RANBP2: variants seen among roughly 807,000 people sequenced by gnomAD.
RANBP2 encodes the protein E3 SUMO-protein ligase RanBP2.
RANBP2 carries 57 observed loss-of-function variants against 303.6 expected under a neutral mutation model. That is an observed-to-expected ratio of 0.19 (90% confidence interval 0.15 to 0.23). The LOEUF (loss-of-function observed/expected upper bound fraction) is 0.23. RANBP2 is among the 10% of genes least tolerant of loss of function. The pLI is 1.00. For synonymous variants in RANBP2, 1,167 were observed against 1,301.5 expected (o/e 0.90, Z 2.23); for missense variants, 3,138 against 3,780.8 (o/e 0.83, Z 4.46).
chr2:108,794,778 C>A, the RANBP2 span: 1 of 1,322,924 alleles, frequency 7.6e-7, no homozygotes, highest in Non-Finnish European at 1.0e-6. Context: ...AAGAACCAAG[C>A]ATTTACGAAA....
At chr2:109,385,559 C>A in the RANBP2 span, among the ~76,000 whole-genome samples, 2 of 152,268 alleles carry the variant, frequency 1.3e-5, no homozygotes, top group Non-Finnish European at 2.9e-5. Context: ...TTTCCTTGAA[C>A]TGTCCAGGGC....
At chr2:108,924,944 G>A in the RANBP2 span, among the ~76,000 whole-genome samples, 1 of 152,216 alleles carries the variant, frequency 6.6e-6, no homozygotes, top group Non-Finnish European at 1.5e-5. Context: ...GGCCCACGCT[G>A]ACACTTCTGA....
the RANBP2 span, among the ~76,000 whole-genome samples, chr2:108,838,959 A>G: frequency 6.6e-6 from 1 of 152,182 alleles, no homozygotes; most frequent in Non-Finnish European, 1.5e-5. Context: ...TAATCTCCTT[A>G]AACTAGATGT....
chr2:108,729,086 A>C lies in RANBP2; in HGVS notation c.73-46A>C, dbSNP rs192504405. 5 of 1,544,162 alleles carry C rather than the reference A, an allele frequency of 3.2e-6. No homozygotes were observed. In the East Asian group the frequency reaches 9.1e-5, roughly 28 times the overall value. On this transcript the variant is annotated intron_variant, in intron 1 of 28. Coordinates refer to ENST00000283195, the MANE Select transcript of RANBP2 (RefSeq NM_006267.5). ...TTTACTACTTTTGAAAAAATGTTGG[A>C]AAATATTTCTGTATGAAAAGTAAAA...
At chr2:109,040,897 T>C in the RANBP2 span, among the ~76,000 whole-genome samples, 4 of 151,870 alleles carry the variant, frequency 2.6e-5, no homozygotes, top group Non-Finnish European at 5.9e-5. Context: ...CTACTAAAAA[T>C]ACAAAAAAAT....
chr2:108,903,507 T>C, the RANBP2 span, among the ~76,000 whole-genome samples: 3 of 152,180 alleles, frequency 2.0e-5, no homozygotes, highest in South Asian at 6.2e-4. Flanking sequence ...TTACATAATT[T>C]ATACAAGAAT....
chr2:109,522,196 A>G, the RANBP2 span, among the ~76,000 whole-genome samples: 256 of 151,962 alleles, frequency 1.7e-3, 1 homozygote, highest in African/African-American at 6.0e-3. Context: ...TTCTCCGGTG[A>G]TCTGTGTCAA....
the RANBP2 span, chr2:109,542,951 TGA>T: frequency 6.5e-6 from 1 of 152,718 alleles, no homozygotes; most frequent in South Asian, 2.1e-4. Context: ...GTTTTTAAAA[TGA>T]GAGTTTTCAG....
At chr2:109,176,291 T>A in the RANBP2 span, among the ~76,000 whole-genome samples, 1 of 152,244 alleles carries the variant, frequency 6.6e-6, no homozygotes, top group Admixed American at 6.5e-5. Flanking sequence ...AGGAAGCCAA[T>A]TAATTGAAAG....
the RANBP2 span, among the ~76,000 whole-genome samples, chr2:109,286,829 T>C: frequency 6.6e-6 from 1 of 152,360 alleles, no homozygotes; most frequent in Admixed American, 6.5e-5. Flanking sequence ...GTAGCCATTC[T>C]ACCTTTCCCA....
At chr2:109,461,128 G>A in the RANBP2 span, among the ~76,000 whole-genome samples, 1 of 152,176 alleles carries the variant, frequency 6.6e-6, no homozygotes, top group African/African-American at 2.4e-5. Context: ...TGGTGCCTTC[G>A]GGACCTGCTC....
chr2:108,735,453 T>C, intron 4 of RANBP2, 79 bp from the exon 5 acceptor site: 1 of 1,597,074 alleles, frequency 6.3e-7, no homozygotes, highest in Non-Finnish European at 8.5e-7. Context: ...CATAGTGGAA[T>C]GGTGCTCTTT....
At chr2:109,557,344 G>A in the RANBP2 span, among the ~76,000 whole-genome samples, 1 of 152,124 alleles carries the variant, frequency 6.6e-6, no homozygotes, top group African/African-American at 2.4e-5. Flanking sequence ...TACTGGCAGG[G>A]TACTCTTCTG....
the RANBP2 span, among the ~76,000 whole-genome samples, chr2:109,294,873 T>C: frequency 2.6e-5 from 4 of 152,260 alleles, no homozygotes; most frequent in East Asian, 7.8e-4. Context: ...AGGTGCTGCA[T>C]GAGTGAGAAA....
chr2:109,416,554 T>G, the RANBP2 span, among the ~76,000 whole-genome samples: 2 of 152,012 alleles, frequency 1.3e-5, no homozygotes, highest in East Asian at 3.9e-4. Flanking sequence ...CTGGCTAATT[T>G]TTGTATTTTT....
At chr2:109,100,495 G>T in the RANBP2 span, among the ~76,000 whole-genome samples, 3 of 152,156 alleles carry the variant, frequency 2.0e-5, no homozygotes, top group African/African-American at 7.2e-5. Flanking sequence ...TGCCAAAAAG[G>T]TTAGGGGCCA....
At chr2:109,050,502 GTC>G in the RANBP2 span, among the ~76,000 whole-genome samples, 1 of 152,066 alleles carries the variant, frequency 6.6e-6, no homozygotes, top group Non-Finnish European at 1.5e-5. Context: ...TAATCCTCCT[GTC>G]TCGGCCTCCC....
chr2:109,404,471 C>G, the RANBP2 span, among the ~76,000 whole-genome samples: 1 of 152,126 alleles, frequency 6.6e-6, no homozygotes, highest in South Asian at 2.1e-4. Flanking sequence ...GGGGCAGGGA[C>G]AGGGGACAGA....
At chr2:108,874,675 C>T in the RANBP2 span, among the ~76,000 whole-genome samples, 1 of 152,054 alleles carries the variant, frequency 6.6e-6, no homozygotes, top group Non-Finnish European at 1.5e-5. Context: ...TCCATATGTT[C>T]TATTTGGTAA....
Sources: allele counts gnomAD v4.1 joint callset (sites outside exome capture counted in the v4.1 genomes callset), GRCh38; gene constraint gnomAD v4.1.1; transcripts MANE v1.5; gene names NCBI Gene and HGNC (gene_info 2026-07-23, HGNC 2026-07-21).